Variants in TFAP2A observed in about 807,000 individuals in gnomAD.
TFAP2A encodes transcription factor AP-2-alpha.
In TFAP2A, 7 loss-of-function variants were observed where a neutral mutation model predicts 41.5. The ratio of observed to expected loss-of-function variants is 0.17; its 90% CI spans 0.10 to 0.32. The LOEUF (loss-of-function observed/expected upper bound fraction) is 0.32. TFAP2A is among the 10% of genes least tolerant of loss of function. TFAP2A has a pLI of 1.00. For synonymous variants in TFAP2A, 247 were observed against 242.8 expected, an observed-to-expected ratio of 1.02 and a Z score of -0.16; for missense variants, 416 against 563.3, an observed-to-expected ratio of 0.74 and a Z score of 2.65.
At chr6:10,412,702 G>A in intron 1 of TFAP2A, 1 of 333,720 alleles carries the variant, frequency 3.0e-6, no homozygotes, top group Middle Eastern at 8.8e-4. Context: ...TCCCGGCCCT[G>A]TCTGGCCGCG....
chr6:10,415,114 TGGAGGAGGAGAA>T (rs1758190845), upstream of TFAP2A: 4 of 1,553,218 alleles, frequency 2.6e-6, no homozygotes, highest in East Asian at 9.3e-5. Context: ...GGAGAGGAGG[TGGAGGAGGAGAA>T]GGAGGAGGGA....
intron 4 of TFAP2A, 86 bp downstream of exon 4, chr6:10,404,422 G>C (rs1757587244): frequency 3.9e-6 from 4 of 1,032,736 alleles, no homozygotes; most frequent in Non-Finnish European, 5.1e-6. Context: ...CGCGAGGCCT[G>C]TTTGCGTCGC....
In TFAP2A at chr6:10,398,083, T is replaced by TA. The variant is rs34512481; in HGVS notation, c.*333dup. On this transcript the variant is annotated 3_prime_UTR_variant, in exon 7 of 7. Coordinates refer to ENST00000379613, the MANE Select transcript of TFAP2A (RefSeq NM_001372066.1). This position sits in a 1 kb window ranked among gnomAD's most constrained non-coding sequence, Gnocchi z 5.3. ...GCTGTTGTTGATTTGTTGTTTTGTTTAAAAAAAAAAGGGTTCACAAACTTG... is the reference window on the plus strand; with the variant it reads ...GCTGTTGTTGATTTGTTGTTTTGTTTAAAAAAAAAAAGGGTTCACAAACTTG... 164,342 of 1,084,988 alleles carry TA rather than the reference T, an allele frequency of 0.15. 11,071 individuals are homozygous for TA. Among genetic ancestry groups the TA allele is most frequent in the African/African-American group, 0.49 (28,254 of 58,062 alleles). 67.2% of individuals were successfully genotyped at this position (1,084,988 alleles called of 1,614,324 possible). A position where few individuals can be genotyped will look rare whatever the true frequency, so the allele number is the denominator to read the frequency against.
At chr6:10,411,941 C>T in intron 1 of TFAP2A, 4 of 1,137,276 alleles carry the variant, frequency 3.5e-6, no homozygotes, top group African/African-American at 3.3e-5. Context: ...TTCCTTAATC[C>T]GTGTCTCCCC....
intron 2 of TFAP2A, 40 bp downstream of exon 2, chr6:10,409,861 G>C (rs1343762793): frequency 6.5e-7 from 1 of 1,545,580 alleles, no homozygotes; most frequent in South Asian, 1.2e-5. Context: ...GGTAAGTAGG[G>C]GGCTGTGTTC....
At position 10,411,513 on chromosome 6, in the gene TFAP2A, A is replaced by T; in HGVS notation, c.52-1178T>A. 2.5e-6 allele frequency: 4 copies of T among 1,608,442 alleles called. No homozygotes were observed. The South Asian group carries it at 4.4e-5, about 18-fold the overall frequency. On this transcript the variant is annotated intron_variant, in intron 1 of 6. Transcript: ENST00000379613. Reference sequence around the variant, plus strand: ...AGGTTTCGGGCAGCTCCACGGCACCAGGTTTCCAGAATCCAATTCCTAAAG... The same window carrying T: ...AGGTTTCGGGCAGCTCCACGGCACCTGGTTTCCAGAATCCAATTCCTAAAG...
chr6:10,400,392 GT>G, intron 6 of TFAP2A, 55 bp downstream of exon 6: 1 of 1,612,520 alleles, frequency 6.2e-7, no homozygotes, highest in East Asian at 2.2e-5. Context: ...AACGATTTTT[GT>G]TTCTCTTTCT....
intron 2 of TFAP2A, chr6:10,407,501 T>C (rs1487914096): frequency 8.7e-6 from 1 of 115,424 alleles, no homozygotes; most frequent in Non-Finnish European, 2.0e-5. Context: ...TTTTCTTTTC[T>C]TTTTTTTTTT....
chr6:10,418,458 C>A (rs1030478022), upstream of TFAP2A: 2 of 152,256 alleles, frequency 1.3e-5, no homozygotes, highest in Non-Finnish European at 2.9e-5. Context: ...CCTCACCAGG[C>A]CTCTTGGTTG....
At chr6:10,401,576 A>T (rs1489544401) in intron 5 of TFAP2A, among the ~76,000 whole-genome samples, 4 of 152,270 alleles carry the variant, frequency 2.6e-5, no homozygotes, top group Non-Finnish European at 5.9e-5. Context: ...CAATTGTAAT[A>T]TATCTCCTCA....
At position 10,397,386 on chromosome 6, in the gene TFAP2A, A is replaced by T. The variant is rs1226225494; in HGVS notation, c.*1031T>A. ...GGTTATCAAACCACTCAAGTTTCAA[A>T]ATCTTTCCAGGGTCCAATATCACTT... On this transcript the variant is annotated 3_prime_UTR_variant, in exon 7 of 7. Transcript: ENST00000379613. The T allele has an allele frequency of 2.0e-5, 3 of 152,326 alleles. No individual in the cohort carries two copies. Among genetic ancestry groups the T allele is most frequent in the South Asian group, 4.1e-4 (2 of 4,832 alleles). 9.4% of individuals were successfully genotyped at this position (152,326 alleles called of 1,614,324 possible).
At position 10,402,419 on chromosome 6, in the gene TFAP2A, A is replaced by G. The variant is rs113027487; in HGVS notation, c.889+73T>C. ...GCCCAACTGACATAAAATACGACCAAACATCTGGCCACTAAATATTATCCA... is the reference window on the plus strand; with the variant it reads ...GCCCAACTGACATAAAATACGACCAGACATCTGGCCACTAAATATTATCCA... On this transcript the variant is annotated intron_variant, in intron 5 of 6. Coordinates refer to ENST00000379613, the MANE Select transcript of TFAP2A (RefSeq NM_001372066.1). 3,475 of 1,121,984 alleles carry G rather than the reference A, an allele frequency of 3.1e-3. 69 individuals carry two copies. The African/African-American group carries it at 0.044, about 14-fold the overall frequency. 69.5% of individuals were successfully genotyped at this position (1,121,984 alleles called of 1,614,324 possible).
At position 10,397,462 on chromosome 6, in the gene TFAP2A, T is replaced by C. The variant is rs185414193; in HGVS notation, c.*955A>G. On this transcript the variant is annotated 3_prime_UTR_variant, in exon 7 of 7. Transcript: ENST00000379613. ...TAAATGTAATAATACTAATTATAGA[T>C]AAAATTTTATTTTACTTTTTAAAAA... The C allele has an allele frequency of 4.7e-4, 72 of 152,244 alleles. No individual in the cohort carries two copies. Among genetic ancestry groups the C allele is most frequent in the African/African-American group, 1.7e-3 (71 of 41,556 alleles). The allele number at this position is 152,244 out of a possible 1,614,324, so 9.4% of individuals were successfully genotyped here.
intron 3 of TFAP2A, chr6:10,406,078 T>C (rs1757702730): frequency 6.6e-6 from 1 of 152,060 alleles, no homozygotes; most frequent in Non-Finnish European, 1.5e-5. Flanking sequence ...GTGCCTAGAA[T>C]CCTGAAATGT....
chr6:10,409,935 A>T lies in TFAP2A; in HGVS notation c.452T>A (p.Ile151Asn), dbSNP rs1206569048. The change falls in exon 2 of 7, where the codon ATC becomes AAC. Residue 151 changes from isoleucine to asparagine, a missense_variant. This residue lies in a region of TFAP2A where 241 missense variants were observed against 274.1 expected (regional missense o/e 0.88). Coordinates refer to ENST00000379613, the MANE Select transcript of TFAP2A (RefSeq NM_001372066.1). ...CTCGATGGCGTGAGGTAAGGAGTGG[A>T]TCGAGAGGTCTCCGAGTCCTGAGCT... ...ALSSGLGDLSIHSLPHAIEEV... is the reference protein window; with the variant it reads ...ALSSGLGDLSNHSLPHAIEEV... The T allele has an allele frequency of 3.2e-6, 5 of 1,556,250 alleles. No homozygotes were observed. The highest frequency in any genetic ancestry group is 1.9e-5 in the Admixed American group (1 of 51,408).
At chr6:10,416,517 A>G (rs1758250742), upstream of TFAP2A, 1 of 152,116 alleles carries the variant, frequency 6.6e-6, no homozygotes. Flanking sequence ...TTGTCCTCCA[A>G]AAGAAAGTTA....
chr6:10,403,963 A>G (rs303051), intron 4 of TFAP2A, among the ~76,000 whole-genome samples: 47,813 of 152,148 alleles, frequency 0.31, 11,306 homozygotes, highest in African/African-American at 0.66. Flanking sequence ...GCGACCGGAA[A>G]GCATGGCGTG....
At chr6:10,413,109 C>T (rs1025511228) in intron 1 of TFAP2A, among the ~76,000 whole-genome samples, 5 of 152,220 alleles carry the variant, frequency 3.3e-5, no homozygotes, top group African/African-American at 4.8e-5. Flanking sequence ...GTCTACCCGC[C>T]AGGTTGTCAG....
At chr6:10,411,595 ATCTGCGAAGAG>A in intron 1 of TFAP2A, 1 of 1,614,088 alleles carries the variant, frequency 6.2e-7, no homozygotes, top group Non-Finnish European at 8.5e-7. Context: ...GTGAACTAAC[ATCTGCGAAGAG>A]TCTGGGGTAA....
Sources: allele counts gnomAD v4.1 joint callset (sites outside exome capture counted in the v4.1 genomes callset), GRCh38; gene constraint gnomAD v4.1.1; regional missense constraint gnomAD v4.1.1; non-coding constraint Gnocchi (gnomAD v3.1); transcripts MANE v1.5; gene names NCBI Gene and HGNC (gene_info 2026-07-23, HGNC 2026-07-21).